The following LRRC37A2 variants were observed in gnomAD, a reference collection of about 807,000 sequenced individuals.
The protein encoded by LRRC37A2 is leucine-rich repeat-containing protein 37A2.
Under a neutral mutation model 68.8 loss-of-function variants are expected in LRRC37A2, and 9 were observed. That is an observed-to-expected ratio of 0.13 (90% CI 0.08 to 0.23). The LOEUF (loss-of-function observed/expected upper bound fraction) is 0.23, where lower values mean the gene tolerates loss of function less well. Ranked by LOEUF, LRRC37A2 falls within the 10% of genes least tolerant of loss-of-function variation. The probability of loss-of-function intolerance (pLI) is 1.00; values close to 1 mark genes in which losing one functional copy is unlikely to be tolerated. For synonymous variants in LRRC37A2, 63 were observed against 367.6 expected (o/e 0.17, Z 9.48); for missense variants, 168 against 950.4 (o/e 0.18, Z 10.82).
chr17:46,908,112 G>A, the LRRC37A2 span, among the ~76,000 whole-genome samples: 4 of 152,220 alleles, frequency 2.6e-5, no homozygotes, highest in East Asian at 7.7e-4. Flanking sequence ...TGCAGAGGCT[G>A]CTATGGCCCT....
the LRRC37A2 span, among the ~76,000 whole-genome samples, chr17:46,800,991 G>A: frequency 6.6e-6 from 1 of 152,212 alleles, no homozygotes; most frequent in Non-Finnish European, 1.5e-5. Context: ...AACGCAGACT[G>A]TAACATGAAA....
the LRRC37A2 span, among the ~76,000 whole-genome samples, chr17:46,985,570 C>T: frequency 6.6e-6 from 1 of 151,550 alleles, no homozygotes; most frequent in Non-Finnish European, 1.5e-5. Context: ...GGTTGGGTGT[C>T]TATGCAGTAG....
the LRRC37A2 span, among the ~76,000 whole-genome samples, chr17:46,772,360 C>T: frequency 1.3e-5 from 2 of 152,244 alleles, no homozygotes; most frequent in Non-Finnish European, 2.9e-5. Flanking sequence ...GAATGGGTAG[C>T]GCTCCCAGAG....
At chr17:46,458,531 C>CTTTT in the LRRC37A2 span, among the ~76,000 whole-genome samples, 101 of 39,908 alleles carry the variant, frequency 2.5e-3, 7 homozygotes, top group African/African-American at 5.5e-3. Context: ...TCTTCTTCTT[C>CTTTT]TTTTTTTTTT....
the LRRC37A2 span, among the ~76,000 whole-genome samples, chr17:46,601,678 A>G: frequency 6.8e-6 from 1 of 147,950 alleles, no homozygotes; most frequent in Non-Finnish European, 1.5e-5. Context: ...GTTCCCATAT[A>G]TGTGTGGGTC....
the LRRC37A2 span, among the ~76,000 whole-genome samples, chr17:46,783,064 T>C: frequency 6.6e-6 from 1 of 152,066 alleles, no homozygotes; most frequent in African/African-American, 2.4e-5. Context: ...TAGTTCATTC[T>C]CTCAACGGGG....
the LRRC37A2 span, chr17:46,872,591 A>G: frequency 1.2e-6 from 2 of 1,611,338 alleles, no homozygotes; most frequent in South Asian, 2.2e-5. Flanking sequence ...GGCGGGGCCC[A>G]CCTGAAGCAG....
chr17:46,768,606 G>A, the LRRC37A2 span: 1 of 1,614,168 alleles, frequency 6.2e-7, no homozygotes, highest in East Asian at 2.2e-5. This position sits in a 1 kb window ranked among gnomAD's most constrained non-coding sequence, Gnocchi z 5.0. Context: ...CGAGTACTTG[G>A]CCCGGAGGGT....
At chr17:46,888,654 C>A in the LRRC37A2 span, among the ~76,000 whole-genome samples, 1 of 152,072 alleles carries the variant, frequency 6.6e-6, no homozygotes, top group Non-Finnish European at 1.5e-5. Context: ...AGCACAGGAC[C>A]AAAACAACCC....
the LRRC37A2 span, among the ~76,000 whole-genome samples, chr17:46,840,156 G>A: frequency 1.3e-5 from 2 of 149,358 alleles, no homozygotes; most frequent in East Asian, 2.0e-4. Flanking sequence ...GTGTGATCTC[G>A]GCTCACTGCA....
the LRRC37A2 span, chr17:46,713,827 CCT>C: frequency 6.3e-7 from 1 of 1,598,012 alleles, no homozygotes; most frequent in Non-Finnish European, 8.5e-7. Context: ...GCTTTTTTCC[CCT>C]GACTTGCTCA....
the LRRC37A2 span, among the ~76,000 whole-genome samples, chr17:46,829,871 C>T: frequency 6.6e-6 from 1 of 152,122 alleles, no homozygotes; most frequent in Non-Finnish European, 1.5e-5. Flanking sequence ...TGAGCTGTGA[C>T]TTTGGGCAAG....
the LRRC37A2 span, among the ~76,000 whole-genome samples, chr17:46,976,398 T>A: frequency 1.7e-4 from 25 of 151,420 alleles, 1 homozygote; most frequent in Non-Finnish European, 2.7e-4. Flanking sequence ...AAATAAATAA[T>A]TAGCCAGGCA....
chr17:46,838,971 G>A, the LRRC37A2 span, among the ~76,000 whole-genome samples: 100 of 152,060 alleles, frequency 6.6e-4, 1 homozygote, highest in Middle Eastern at 0.01. Flanking sequence ...TCTTCCTCCC[G>A]GGTTCAAGCC....
the LRRC37A2 span, among the ~76,000 whole-genome samples, chr17:46,854,359 G>C: frequency 6.6e-6 from 1 of 152,200 alleles, no homozygotes; most frequent in African/African-American, 2.4e-5. Context: ...AACACAAAGT[G>C]CTTTGGCATC....
At chr17:46,819,490 A>T in the LRRC37A2 span, among the ~76,000 whole-genome samples, 1 of 147,124 alleles carries the variant, frequency 6.8e-6, no homozygotes, top group Non-Finnish European at 1.5e-5. The surrounding 1 kb of genome is among the most constrained non-coding windows in gnomAD (Gnocchi z 5.3). Flanking sequence ...TTCAGGCCCG[A>T]CCTCTGGCCC....
the LRRC37A2 span, among the ~76,000 whole-genome samples, chr17:46,928,674 A>G: frequency 0.96 from 145,368 of 152,202 alleles, 69,782 homozygotes; most frequent in East Asian, 1. Flanking sequence ...TACCAAACAG[A>G]AGGTCCCTGT....
chr17:46,866,881 T>G, the LRRC37A2 span, among the ~76,000 whole-genome samples: 11 of 152,256 alleles, frequency 7.2e-5, no homozygotes, highest in East Asian at 2.1e-3. Flanking sequence ...GAACAGGGCT[T>G]GGGGTCCTCT....
chr17:46,922,310 A>G, the LRRC37A2 span, among the ~76,000 whole-genome samples: 1 of 152,016 alleles, frequency 6.6e-6, no homozygotes, highest in Non-Finnish European at 1.5e-5. Context: ...AGGAAGGGGG[A>G]CATCACACTT....
Sources: gnomAD v4.1 joint callset for allele counts (sites outside exome capture counted in the v4.1 genomes callset) on GRCh38, gnomAD v4.1.1 for gene constraint, Gnocchi (gnomAD v3.1) non-coding constraint, MANE v1.5 for transcripts, NCBI Gene and HGNC (gene_info 2026-07-23, HGNC 2026-07-21) for gene names.